Variants in PMFBP1 observed in about 807,000 individuals in gnomAD.
The protein encoded by PMFBP1 is polyamine modulated factor 1 binding protein 1.
PMFBP1 carries 131 observed loss-of-function variants against 137.8 expected under a neutral mutation model. That is an observed-to-expected ratio of 0.95 (90% CI 0.82 to 1.10). PMFBP1 has a LOEUF of 1.10. PMFBP1 is among the 50% of genes least tolerant of loss of function. The pLI, the probability that PMFBP1 is intolerant of heterozygous loss-of-function variation, is 0.00. For synonymous variants in PMFBP1, 490 were observed against 450.4 expected (o/e 1.09, Z -1.11); for missense variants, 1,199 against 1,175.4 (o/e 1.02, Z -0.29).
intron 3 of PMFBP1, chr16:72,164,389 GTT>G (rs2043112066): frequency 7.7e-7 from 1 of 1,297,240 alleles, no homozygotes; most frequent in Non-Finnish European, 1.0e-6. Flanking sequence ...AGGTGTGATG[GTT>G]TTTATTTTCA....
the PMFBP1 span, among the ~76,000 whole-genome samples, chr16:72,182,119 T>C: frequency 6.6e-6 from 1 of 152,204 alleles, no homozygotes; most frequent in East Asian, 1.9e-4. Context: ...TCACTTTGCT[T>C]TGTATGAGCC....
intron 5 of PMFBP1, 66 bp from the exon 6 acceptor site, chr16:72,140,648 A>T: frequency 5.0e-6 from 7 of 1,405,572 alleles, no homozygotes; most frequent in Non-Finnish European, 6.0e-6. Context: ...GAATTCCATG[A>T]ACATGGAAAA....
At chr16:72,151,851 C>A (rs756996093) in intron 4 of PMFBP1, among the ~76,000 whole-genome samples, 1 of 152,140 alleles carries the variant, frequency 6.6e-6, no homozygotes, top group Non-Finnish European at 1.5e-5. Flanking sequence ...TTCAACTCTG[C>A]CTGAGGGCTT....
chr16:72,225,293 T>G, the PMFBP1 span: 12,759 of 152,278 alleles, frequency 0.084, 679 homozygotes, highest in African/African-American at 0.16. Context: ...GGCACATCCA[T>G]GCTGGTCATG....
chr16:72,131,390 T>C (rs2042547408), intron 10 of PMFBP1, among the ~76,000 whole-genome samples: 2 of 152,174 alleles, frequency 1.3e-5, no homozygotes, highest in Admixed American at 1.3e-4. Flanking sequence ...AGTGGGTTCT[T>C]GAGCAGGAAT....
intron 19 of PMFBP1, among the ~76,000 whole-genome samples, chr16:72,120,790 T>C (rs184915055): frequency 8.5e-5 from 13 of 152,326 alleles, no homozygotes; most frequent in Admixed American, 2.0e-4. Flanking sequence ...CACGTTGGAA[T>C]TGTGACTCTG....
intron 19 of PMFBP1, 130 bp downstream of exon 19, chr16:72,122,784 G>A (rs533643361): frequency 4.0e-6 from 3 of 753,382 alleles, no homozygotes; most frequent in Admixed American, 5.3e-5. Context: ...TCGAGACCTG[G>A]GGGTCTTTCC....
chr16:72,206,747 C>T, the PMFBP1 span, among the ~76,000 whole-genome samples: 2 of 152,240 alleles, frequency 1.3e-5, no homozygotes, highest in East Asian at 1.9e-4. Flanking sequence ...CTGAACTCAA[C>T]GTGCCAACGA....
At chr16:72,230,382 A>C in the PMFBP1 span, among the ~76,000 whole-genome samples, 1 of 152,176 alleles carries the variant, frequency 6.6e-6, no homozygotes, top group African/African-American at 2.4e-5. Flanking sequence ...ACTCTAAGAC[A>C]CTTTAAATTA....
the PMFBP1 span, among the ~76,000 whole-genome samples, chr16:72,184,341 G>C: frequency 6.6e-6 from 1 of 152,260 alleles, no homozygotes; most frequent in East Asian, 1.9e-4. Context: ...CTACACAGGT[G>C]TGCTCCACTG....
At chr16:72,128,207 T>G (rs2042490506) in intron 14 of PMFBP1, among the ~76,000 whole-genome samples, 1 of 152,212 alleles carries the variant, frequency 6.6e-6, no homozygotes, top group Non-Finnish European at 1.5e-5. Context: ...AAATGACGAC[T>G]GAATTCAAGC....
chr16:72,128,584 G>C, intron 14 of PMFBP1, 73 bp downstream of exon 14: 1 of 1,612,760 alleles, frequency 6.2e-7, no homozygotes. Context: ...GTGGAGGAGA[G>C]GTGGGTACAG....
In PMFBP1 at chr16:72,136,417, T is replaced by G. The variant is rs141352057; in HGVS notation, c.1203+31A>C. 2,633 of 1,605,442 alleles carry G rather than the reference T, an allele frequency of 1.6e-3. 9 individuals are homozygous for G. Among genetic ancestry groups the G allele is most frequent in the African/African-American group, 0.012 (874 of 74,614 alleles). On this transcript the variant is annotated intron_variant, in intron 9 of 20. Transcript: ENST00000237353. ...GGACATGGCCTCACACCTGCCCCATTGGGAACCCCAACCAGAGTTCCTCAC... is the reference window on the plus strand; with the variant it reads ...GGACATGGCCTCACACCTGCCCCATGGGGAACCCCAACCAGAGTTCCTCAC...
downstream of PMFBP1, among the ~76,000 whole-genome samples, chr16:72,117,542 G>A (rs1448806617): frequency 2.6e-5 from 4 of 152,114 alleles, no homozygotes; most frequent in East Asian, 1.9e-4. Flanking sequence ...CTGCCAGTAC[G>A]ATGCTGAATA....
chr16:72,173,935 G>C (rs2043243268), upstream of PMFBP1: 1 of 152,210 alleles, frequency 6.6e-6, no homozygotes, highest in Non-Finnish European at 1.5e-5. Flanking sequence ...ATTCTGTTCT[G>C]CCTCTTGCGT....
Position 72,124,710 on chromosome 16 carries a change from C to G in PMFBP1, c.2589+57G>C. 1.3e-5 allele frequency: 20 copies of G among 1,580,562 alleles called. 1 individual carries two copies. In the South Asian group the frequency reaches 2.2e-4, roughly 18 times the overall value. On this transcript the variant is annotated intron_variant, in intron 17 of 20. Transcript: ENST00000237353. ...AAGGGCTGTCTGGCATTTGGGTGGT[C>G]ATAGGATGTGCCTGGAGGCACTGAG... is the stretch of plus-strand genomic sequence containing the variant.
the PMFBP1 span, among the ~76,000 whole-genome samples, chr16:72,195,596 A>G: frequency 6.6e-6 from 1 of 152,246 alleles, no homozygotes; most frequent in African/African-American, 2.4e-5. Flanking sequence ...ATAGTCACTG[A>G]ATACATTCCA....
intron 3 of PMFBP1, among the ~76,000 whole-genome samples, chr16:72,155,320 C>A (rs2042965301): frequency 6.6e-6 from 1 of 152,156 alleles, no homozygotes; most frequent in Non-Finnish European, 1.5e-5. Context: ...TGCTTATTAT[C>A]CTCCTACACA....
the PMFBP1 span, chr16:72,225,184 G>T: frequency 6.6e-6 from 1 of 152,102 alleles, no homozygotes; most frequent in Non-Finnish European, 1.5e-5. Flanking sequence ...CTTCAGAATA[G>T]TTACTTCTTT....
Sources: gnomAD v4.1 joint callset for allele counts (sites outside exome capture counted in the v4.1 genomes callset) on GRCh38, gnomAD v4.1.1 for gene constraint, MANE v1.5 for transcripts, NCBI Gene and HGNC (gene_info 2026-07-23, HGNC 2026-07-21) for gene names.